Variants in TNC observed in about 807,000 individuals in gnomAD.
TNC encodes the protein tenascin.
A neutral mutation model predicts 202.4 loss-of-function variants in TNC; 109 were observed. That is an observed-to-expected ratio of 0.54 (90% confidence interval 0.46 to 0.63). The LOEUF (loss-of-function observed/expected upper bound fraction) is 0.63. TNC is among the 30% of genes least tolerant of loss of function. TNC has a pLI of 0.00. For synonymous variants in TNC, 1,007 were observed against 1,089.7 expected (o/e 0.92, Z 1.50); for missense variants, 2,756 against 2,833.3 (o/e 0.97, Z 0.62).
In TNC at chr9:115,021,090, G is replaced by A; in HGVS notation, c.*67C>T. On this transcript the variant is annotated 3_prime_UTR_variant, in exon 28 of 28. Coordinates refer to ENST00000350763, the MANE Select transcript of TNC (RefSeq NM_002160.4). ...GACCGATGGTTGGGCTGGTTGTATT[G>A]ATGCTTTGGTAAAATCCTTTCCTCG... 1 of 1,342,162 alleles carries A rather than the reference G, an allele frequency of 7.5e-7. No homozygotes were observed. Among genetic ancestry groups the A allele is most frequent in the South Asian group, 1.2e-5 (1 of 82,056 alleles). The allele number at this position is 1,342,162 out of a possible 1,614,324, so 83.1% of individuals were successfully genotyped here.
intron 1 of TNC, among the ~76,000 whole-genome samples, chr9:115,110,270 A>C (rs750067824): frequency 2.0e-5 from 3 of 152,260 alleles, no homozygotes; most frequent in Non-Finnish European, 4.4e-5. Context: ...GAAGTACAGG[A>C]TCTGTTTAGA....
At chr9:115,105,009 C>T (rs907637481) in intron 1 of TNC, among the ~76,000 whole-genome samples, 4 of 152,164 alleles carry the variant, frequency 2.6e-5, no homozygotes, top group Non-Finnish European at 4.4e-5. Context: ...GGAAATCTTT[C>T]CCGATCCAAT....
chr9:115,042,859 C>T lies in TNC; in HGVS notation c.5126-518G>A, dbSNP rs530285567. ...TTCTTGTGATGTGATCTTTCTGGGT[C>T]CCAGGAGTAGGCAGCAGAGCCAAGC... On this transcript the variant is annotated intron_variant, in intron 17 of 27. Transcript: ENST00000350763. Among the ~76,000 whole-genome samples, 31 of 152,218 alleles carry T rather than the reference C, an allele frequency of 2.0e-4. No individual in the cohort carries two copies. The South Asian group carries it at 2.1e-3, about 10-fold the overall frequency.
At chr9:115,098,603 G>A (rs1362715598) in intron 1 of TNC, among the ~76,000 whole-genome samples, 1 of 152,166 alleles carries the variant, frequency 6.6e-6, no homozygotes, top group Non-Finnish European at 1.5e-5. Flanking sequence ...TTCATTTTTA[G>A]TAGCTCATGG....
At chr9:115,072,999 A>T (rs1339943864) in intron 10 of TNC, among the ~76,000 whole-genome samples, 1 of 152,180 alleles carries the variant, frequency 6.6e-6, no homozygotes, top group East Asian at 1.9e-4. Context: ...CATGGGCCAC[A>T]ATGTCAGGAT....
chr9:115,116,860 A>G (rs7029796), intron 1 of TNC, among the ~76,000 whole-genome samples: 4,748 of 152,186 alleles, frequency 0.031, 264 homozygotes, highest in African/African-American at 0.11. Context: ...ACACCCTCAG[A>G]TTGGGTGAGA....
chr9:115,074,520 G>A (rs1359710863), intron 9 of TNC, among the ~76,000 whole-genome samples: 2 of 152,164 alleles, frequency 1.3e-5, no homozygotes, highest in Admixed American at 6.5e-5. Flanking sequence ...CTGTTTATAA[G>A]TTACTTGGTC....
At chr9:115,021,809 C>T (rs1038960697) in intron 27 of TNC, among the ~76,000 whole-genome samples, 21 of 152,134 alleles carry the variant, frequency 1.4e-4, no homozygotes, top group Non-Finnish European at 2.8e-4. Flanking sequence ...GTCTTAAGTT[C>T]TCAATATCTT....
At position 115,038,312 on chromosome 9, in the gene TNC, G is replaced by T; in HGVS notation, c.5461C>A (p.Pro1821Thr). The change falls in exon 20 of 28, where the codon CCA becomes ACA. Residue 1821 changes from proline (P) to threonine (T), a missense_variant. Physicochemically the swap from Pro to Thr is conservative, Grantham distance 38. This residue lies in a region of TNC where 2,559 missense variants were observed against 2,546.0 expected (regional missense o/e 1.01). Coordinates refer to ENST00000350763, the MANE Select transcript of TNC (RefSeq NM_002160.4). Reference protein sequence around the residue: ...TDSEALARWQPAIATVDSYVI... With the variant: ...TDSEALARWQTAIATVDSYVI... ...TAACTGTCCACAGTGGCAATGGCTG[G>T]CTGCCACCTGGCCAAGGCTTCTGAG... is the stretch of plus-strand genomic sequence containing the variant. 6.2e-7 allele frequency: 1 copy of T among 1,614,164 alleles called. No homozygotes were observed. The highest frequency in any genetic ancestry group is 1.1e-5 in the South Asian group (1 of 91,070).
At chr9:115,085,224 G>T (rs556785496) in intron 3 of TNC, among the ~76,000 whole-genome samples, 12 of 152,160 alleles carry the variant, frequency 7.9e-5, no homozygotes, top group African/African-American at 2.9e-4. Flanking sequence ...GCCCTTTTAA[G>T]GATAGGAGCT....
At chr9:115,088,021 T>C (rs561659709) in intron 2 of TNC, among the ~76,000 whole-genome samples, 1 of 152,336 alleles carries the variant, frequency 6.6e-6, no homozygotes, top group South Asian at 2.1e-4. Context: ...ATTATTTCTT[T>C]AGTGCCTCAT....
Position 115,062,954 on chromosome 9 carries a change from GC to G in TNC, c.3995del (p.Gly1332AlafsTer9). On this transcript the variant is annotated frameshift_variant, in exon 13 of 28. Transcript: ENST00000350763. LOFTEE classifies it high-confidence loss of function. The stretch of plus-strand genomic sequence containing the variant: ...CTACAGCAAGGGGTCGAGTGCTGTG[GC>G]CCCTGACCTCGCCGTGCAGGGTGAC... ...YTVTLHGEVR[G>X]HSTRPLAVEV... is the part of the protein sequence containing the mutation. 1 of 1,614,020 alleles carries G rather than the reference GC, an allele frequency of 6.2e-7. No homozygotes were observed. Among genetic ancestry groups the G allele is most frequent in the Non-Finnish European group, 8.5e-7 (1 of 1,179,980 alleles).
chr9:115,061,892 A>G (rs1310016400), intron 13 of TNC, among the ~76,000 whole-genome samples: 4 of 152,236 alleles, frequency 2.6e-5, no homozygotes, highest in African/African-American at 9.6e-5. Context: ...AATGAAAAGC[A>G]TTGAAGTCAA....
In TNC at chr9:115,076,375, A is replaced by G. The variant is rs762904037; in HGVS notation, c.2860+15T>C. On this transcript the variant is annotated intron_variant, in intron 8 of 27. Coordinates refer to ENST00000350763, the MANE Select transcript of TNC (RefSeq NM_002160.4). ...AGGGCTGGCTGGCTCAGGCTTGCAG[A>G]GATGCAGAGCTCACCTGTGAGTGTG... The G allele has an allele frequency of 6.2e-7, 1 of 1,613,394 alleles. No individual in the cohort carries two copies. Among genetic ancestry groups the G allele is most frequent in the Admixed American group, 1.7e-5 (1 of 59,992 alleles).
chr9:115,083,897 G>A (rs1479214383), intron 4 of TNC, among the ~76,000 whole-genome samples: 4 of 152,108 alleles, frequency 2.6e-5, no homozygotes, highest in Admixed American at 2.6e-4. Context: ...GAGCCACCAT[G>A]CCCGGCCAAA....
chr9:115,107,477 TG>T (rs1273769796), intron 1 of TNC, among the ~76,000 whole-genome samples: 4 of 152,248 alleles, frequency 2.6e-5, no homozygotes, highest in African/African-American at 4.8e-5. Context: ...AACATTTTGT[TG>T]AGTGCCTATT....
Position 115,087,063 on chromosome 9 carries a change from C to G in TNC, c.668G>C (p.Ser223Thr), listed in dbSNP as rs1834814984. 6.2e-7 allele frequency: 1 copy of G among 1,613,090 alleles called. No homozygotes were observed. The highest frequency in any genetic ancestry group is 1.3e-5 in the African/African-American group (1 of 74,818). The change falls in exon 3 of 28, where the codon AGC (serine) becomes ACC (threonine). Residue 223 changes from serine (S) to threonine (T), a missense_variant. Coordinates refer to ENST00000350763, the MANE Select transcript of TNC (RefSeq NM_002160.4). ...GEDCSQLACP[S>T]DCNDQGKCVN... is the part of the protein sequence containing the mutation. ...GCACTTGCCCTGGTCATTGCAGTCG[C>G]TGGGGCAAGCCAGCTGGCTGCAGTC...
At chr9:115,105,114 A>G (rs1317674100) in intron 1 of TNC, among the ~76,000 whole-genome samples, 1 of 152,202 alleles carries the variant, frequency 6.6e-6, no homozygotes, top group Non-Finnish European at 1.5e-5. Context: ...TCCTGTTTAA[A>G]TCAAGTTCAA....
At chr9:115,094,153 T>C (rs1835437488) in intron 1 of TNC, among the ~76,000 whole-genome samples, 1 of 152,170 alleles carries the variant, frequency 6.6e-6, no homozygotes. Context: ...GTACCCAGCA[T>C]GGTGTCAAGC....
Sources: allele counts gnomAD v4.1 joint callset (sites outside exome capture counted in the v4.1 genomes callset), GRCh38; gene constraint gnomAD v4.1.1; regional missense constraint gnomAD v4.1.1; transcripts MANE v1.5; gene names NCBI Gene and HGNC (gene_info 2026-07-23, HGNC 2026-07-21).